SEMA5A: variants seen among roughly 807,000 people sequenced by gnomAD.
SEMA5A encodes the protein semaphorin 5A.
SEMA5A carries 55 observed loss-of-function variants against 135.5 expected under a neutral mutation model. That is an observed-to-expected ratio of 0.41 (90% CI 0.33 to 0.51). SEMA5A has a LOEUF of 0.51. Among genes scored for constraint, SEMA5A ranks in the 20% least tolerant of loss-of-function variants. The pLI is 0.37. For synonymous variants in SEMA5A, 580 were observed against 546.5 expected, an observed-to-expected ratio of 1.06 and a Z score of -0.85; for missense variants, 1,290 against 1,419.9, an observed-to-expected ratio of 0.91 and a Z score of 1.47.
intron 5 of SEMA5A, among the ~76,000 whole-genome samples, chr5:9,257,339 C>T (rs1749125180): frequency 1.3e-5 from 2 of 152,226 alleles, no homozygotes; most frequent in African/African-American, 4.8e-5. Context: ...TCACCTTTTA[C>T]TGTCAGCAGG....
intron 16 of SEMA5A, among the ~76,000 whole-genome samples, chr5:9,088,659 T>TATATATATATATATATATACACACAC: frequency 7.8e-4 from 88 of 112,818 alleles, no homozygotes; most frequent in African/African-American, 3.1e-3. Context: ...TATATATATA[T>TATATATATATATATATATACACACAC]ACACACACAC....
At chr5:9,219,185 A>C (rs1746796458) in intron 8 of SEMA5A, among the ~76,000 whole-genome samples, 1 of 152,172 alleles carries the variant, frequency 6.6e-6, no homozygotes, top group South Asian at 2.1e-4. Context: ...TATTCTGTGG[A>C]GAGTGGGTCA....
At chr5:9,472,242 G>A (rs951326605) in intron 1 of SEMA5A, among the ~76,000 whole-genome samples, 1 of 152,190 alleles carries the variant, frequency 6.6e-6, no homozygotes, top group African/African-American at 2.4e-5. Context: ...ACTTGGCAGT[G>A]TGAGGTTTTG....
chr5:9,419,324 G>A (rs1269036246), intron 2 of SEMA5A, among the ~76,000 whole-genome samples: 1 of 152,208 alleles, frequency 6.6e-6, no homozygotes, highest in Non-Finnish European at 1.5e-5. Flanking sequence ...GTGTGCAGAT[G>A]AGAAAAATGT....
chr5:9,387,390 C>T (rs1324106265), intron 2 of SEMA5A, among the ~76,000 whole-genome samples: 2 of 152,114 alleles, frequency 1.3e-5, no homozygotes, highest in African/African-American at 2.4e-5. Flanking sequence ...ACACTAGCCC[C>T]ACTACTCCCA....
chr5:9,426,083 T>G (rs1307180996), intron 2 of SEMA5A, among the ~76,000 whole-genome samples: 5 of 152,290 alleles, frequency 3.3e-5, no homozygotes, highest in Admixed American at 1.3e-4. Context: ...TATCACCAAG[T>G]TATTAGCAGT....
chr5:9,058,787 T>C (rs2150058229), intron 18 of SEMA5A, among the ~76,000 whole-genome samples: 1 of 152,298 alleles, frequency 6.6e-6, no homozygotes, highest in Non-Finnish European at 1.5e-5. Context: ...AATGTGGTAT[T>C]GATTCTCCAG....
intron 5 of SEMA5A, among the ~76,000 whole-genome samples, chr5:9,270,348 C>T (rs78341922): frequency 2.0e-5 from 3 of 152,046 alleles, no homozygotes; most frequent in African/African-American, 7.2e-5. Flanking sequence ...AAATCACAGC[C>T]ATGCATGACT....
chr5:9,392,440 G>A (rs1175948636), intron 2 of SEMA5A, among the ~76,000 whole-genome samples: 2 of 152,102 alleles, frequency 1.3e-5, no homozygotes, highest in African/African-American at 4.8e-5. Context: ...TAAGATACAG[G>A]TATATTCAGT....
chr5:9,199,443 A>T (rs1184549932), intron 9 of SEMA5A, among the ~76,000 whole-genome samples: 1 of 152,082 alleles, frequency 6.6e-6, no homozygotes, highest in East Asian at 1.9e-4. Context: ...CTAGGATGGG[A>T]TTGTCTACAG....
intron 16 of SEMA5A, among the ~76,000 whole-genome samples, chr5:9,076,220 A>G (rs1426340448): frequency 3.3e-5 from 5 of 151,964 alleles, no homozygotes; most frequent in East Asian, 1.9e-4. Flanking sequence ...AAAAAAAAAA[A>G]AAAGAAATTA....
rs373602650 is a variant in SEMA5A at position 9,294,445 on chromosome 5, C to T, written c.270+23927G>A. On this transcript the variant is annotated intron_variant, in intron 5 of 22. Coordinates refer to ENST00000382496, the MANE Select transcript of SEMA5A (RefSeq NM_003966.3). Reference sequence around the variant, plus strand: ...ATGCCACGAGATGGATGCTAAAACCCTGTTCCTTCCTGGATTCCCCTGCCT... The same window carrying T: ...ATGCCACGAGATGGATGCTAAAACCTTGTTCCTTCCTGGATTCCCCTGCCT... 7.2e-5 allele frequency among the ~76,000 whole-genome samples: 11 copies of T among 152,188 alleles called. No individual in the cohort carries two copies. In the East Asian group the frequency reaches 1.3e-3, roughly 19 times the overall value.
chr5:9,537,219 A>C (rs1415238003), intron 1 of SEMA5A, among the ~76,000 whole-genome samples: 1 of 152,214 alleles, frequency 6.6e-6, no homozygotes, highest in Non-Finnish European at 1.5e-5. Context: ...CAAATCTATG[A>C]TTAAAGGAGA....
chr5:9,147,355 CTCCGCCTCCTGGGTTTA>C (rs1241377762), intron 12 of SEMA5A, among the ~76,000 whole-genome samples: 1 of 152,010 alleles, frequency 6.6e-6, no homozygotes, highest in Non-Finnish European at 1.5e-5. Context: ...GTACTGCAAC[CTCCGCCTCCTGGGTTTA>C]AGCGATTCTC....
At chr5:9,145,706 T>A (rs912415162) in intron 12 of SEMA5A, among the ~76,000 whole-genome samples, 1 of 150,652 alleles carries the variant, frequency 6.6e-6, no homozygotes, top group African/African-American at 2.4e-5. Flanking sequence ...TGGTGCAGTC[T>A]TGGCTCACTG....
At position 9,291,525 on chromosome 5, in the gene SEMA5A, T is replaced by A. The variant is rs550388764; in HGVS notation, c.270+26847A>T. On this transcript the variant is annotated intron_variant, in intron 5 of 22. Coordinates refer to ENST00000382496, the MANE Select transcript of SEMA5A (RefSeq NM_003966.3). ...CAGAGACCACCATGTTAGGAGAGAA[T>A]AAAGAGATGACATGGTGGGCAAAAT... Among the ~76,000 whole-genome samples the A allele has an allele frequency of 6.0e-5, 9 of 150,366 alleles. No homozygotes were observed. In the East Asian group the frequency reaches 1.8e-3, roughly 30 times the overall value.
intron 1 of SEMA5A, among the ~76,000 whole-genome samples, chr5:9,454,310 A>C (rs574828316): frequency 6.6e-6 from 1 of 152,308 alleles, no homozygotes; most frequent in East Asian, 1.9e-4. Flanking sequence ...TTTGTTCTCC[A>C]GACTAAAGGG....
chr5:9,158,539 T>G (rs899758232), intron 11 of SEMA5A, among the ~76,000 whole-genome samples: 1 of 151,884 alleles, frequency 6.6e-6, no homozygotes, highest in Non-Finnish European at 1.5e-5. Flanking sequence ...TCCTGTCCAT[T>G]TCAGTTCCCC....
At chr5:9,202,371 G>C (rs767872429) in intron 8 of SEMA5A, 131 bp from the exon 9 acceptor site, 5 of 730,228 alleles carry the variant, frequency 6.8e-6, no homozygotes, top group Non-Finnish European at 1.0e-5. Context: ...AGGACTATTG[G>C]GAGGCCCCGT....
Sources: gnomAD v4.1 joint callset for allele counts (sites outside exome capture counted in the v4.1 genomes callset) on GRCh38, gnomAD v4.1.1 for gene constraint, MANE v1.5 for transcripts, NCBI Gene and HGNC (gene_info 2026-07-23, HGNC 2026-07-21) for gene names.